Variants in MEMO1 observed in about 807,000 individuals in gnomAD.
MEMO1 encodes the protein protein MEMO1.
MEMO1 carries 6 observed loss-of-function variants against 45.2 expected under a neutral mutation model. That is an observed-to-expected ratio of 0.13 (90% CI 0.07 to 0.26). The LOEUF (loss-of-function observed/expected upper bound fraction) is 0.26. Ranked by LOEUF, MEMO1 falls within the 10% of genes least tolerant of loss-of-function variation. MEMO1 has a pLI of 1.00. For missense variants in MEMO1, 184 were observed against 370.5 expected (o/e 0.50, Z 4.13); for synonymous variants, 78 against 124.3 (o/e 0.63, Z 2.48).
At chr2:31,966,741 AAAATG>A (rs1668666356) in intron 2 of MEMO1, among the ~76,000 whole-genome samples, 1 of 151,702 alleles carries the variant, frequency 6.6e-6, no homozygotes, top group Non-Finnish European at 1.5e-5. Flanking sequence ...TCAAAAAAAA[AAAATG>A]AAAAAAATAA....
chr2:32,001,032 A>G (rs999328553), intron 2 of MEMO1, among the ~76,000 whole-genome samples: 2 of 104,558 alleles, frequency 1.9e-5, no homozygotes, highest in Non-Finnish European at 3.8e-5. Flanking sequence ...ATAAATTTTG[A>G]TTTTTTTTTT....
chr2:32,010,706 C>T (rs1240159748), intron 1 of MEMO1: 1 of 149,664 alleles, frequency 6.7e-6, no homozygotes, highest in East Asian at 2.0e-4. Flanking sequence ...CTCCCCGCAC[C>T]CACCCCCACC....
At chr2:32,008,380 T>TA (rs1179642486) in intron 2 of MEMO1, among the ~76,000 whole-genome samples, 22 of 152,242 alleles carry the variant, frequency 1.4e-4, no homozygotes, top group African/African-American at 5.1e-4. Context: ...AGTCGGGAGT[T>TA]AGAGACCAGC....
At chr2:31,970,495 T>TATTCTAAAC (rs1669253311) in intron 2 of MEMO1, among the ~76,000 whole-genome samples, 1 of 152,184 alleles carries the variant, frequency 6.6e-6, no homozygotes, top group Admixed American at 6.5e-5. Context: ...ATTAAACACC[T>TATTCTAAAC]ATTCTATGTT....
chr2:31,960,278 C>A (rs1432609269), intron 2 of MEMO1, among the ~76,000 whole-genome samples: 1 of 151,786 alleles, frequency 6.6e-6, no homozygotes, highest in Non-Finnish European at 1.5e-5. Context: ...GCTAGCACTA[C>A]AGTACTCAAG....
intron 2 of MEMO1, among the ~76,000 whole-genome samples, chr2:31,994,133 G>T (rs1658714514): frequency 6.8e-6 from 1 of 147,472 alleles, no homozygotes; most frequent in Admixed American, 6.8e-5. Context: ...GCTAATTTTT[G>T]TATTTTTAGT....
intron 2 of MEMO1, among the ~76,000 whole-genome samples, chr2:31,970,557 T>A (rs1669263616): frequency 6.6e-6 from 1 of 152,200 alleles, no homozygotes; most frequent in South Asian, 2.1e-4. Context: ...TTACTATCTG[T>A]TATCATCTTT....
intron 2 of MEMO1, among the ~76,000 whole-genome samples, chr2:32,002,516 C>T (rs868345399): frequency 2.6e-5 from 4 of 151,682 alleles, no homozygotes; most frequent in Non-Finnish European, 4.4e-5. Context: ...TTCAGTGTTT[C>T]GGGCAGCATA....
At chr2:31,950,476 T>C (rs1046712034) in intron 2 of MEMO1, among the ~76,000 whole-genome samples, 17 of 151,682 alleles carry the variant, frequency 1.1e-4, no homozygotes, top group Non-Finnish European at 2.2e-4. Flanking sequence ...CCCAGCACTT[T>C]AGGATGCCCA....
intron 2 of MEMO1, among the ~76,000 whole-genome samples, chr2:31,975,125 T>A (rs1463949633): frequency 6.6e-6 from 1 of 152,116 alleles, no homozygotes; most frequent in Non-Finnish European, 1.5e-5. Flanking sequence ...TGAGCCAAGA[T>A]CGTGCCACTG....
chr2:31,937,129 C>A (rs1665008775), intron 3 of MEMO1, among the ~76,000 whole-genome samples: 1 of 152,148 alleles, frequency 6.6e-6, no homozygotes, highest in African/African-American at 2.4e-5. Context: ...TGTACCTAGT[C>A]TTTTATTCTT....
chr2:31,928,712 AT>A (rs1683496830), intron 4 of MEMO1, among the ~76,000 whole-genome samples: 1 of 152,196 alleles, frequency 6.6e-6, no homozygotes, highest in Non-Finnish European at 1.5e-5. Context: ...TACCATAAAA[AT>A]ATATCCATTT....
At chr2:31,950,276 G>A (rs1317855245) in intron 2 of MEMO1, among the ~76,000 whole-genome samples, 1 of 151,744 alleles carries the variant, frequency 6.6e-6, no homozygotes, top group Non-Finnish European at 1.5e-5. Flanking sequence ...AGCTACTCAG[G>A]AGGCTGAGGC....
chr2:31,944,809 A>G (rs1032225368), intron 2 of MEMO1, among the ~76,000 whole-genome samples: 1 of 152,002 alleles, frequency 6.6e-6, no homozygotes, highest in East Asian at 1.9e-4. Context: ...ATTTCCTTCC[A>G]CTGCTTGCCA....
intron 4 of MEMO1, among the ~76,000 whole-genome samples, chr2:31,921,801 C>A (rs1426687378): frequency 6.6e-6 from 1 of 152,042 alleles, no homozygotes; most frequent in East Asian, 1.9e-4. Context: ...AATAAGCTTT[C>A]TCTATTCCCA....
At chr2:31,979,022 G>C (rs1443566829) in intron 2 of MEMO1, among the ~76,000 whole-genome samples, 1 of 152,110 alleles carries the variant, frequency 6.6e-6, no homozygotes, top group East Asian at 1.9e-4. Flanking sequence ...CTCAAGACTG[G>C]GTAATTTATA....
At chr2:31,941,356 G>A (rs1186201598) in intron 3 of MEMO1, among the ~76,000 whole-genome samples, 3 of 152,092 alleles carry the variant, frequency 2.0e-5, no homozygotes, top group African/African-American at 4.8e-5. Flanking sequence ...AGACTAAAAT[G>A]TTACCTTACC....
rs538358383 is a variant in MEMO1, at chr2:31,912,145, G to A, written c.437+5781C>T. Among the ~76,000 whole-genome samples the A allele has an allele frequency of 6.2e-4, 94 of 152,112 alleles. 1 individual carries two copies. Among genetic ancestry groups the A allele is most frequent in the South Asian group, 3.9e-3 (19 of 4,814 alleles). On this transcript the variant is annotated intron_variant, in intron 6 of 9. Transcript: ENST00000404530. Reference sequence around the variant, plus strand: ...AGGTCAGGAGTTCAAGACCAGCCTGGTCAACAGGGTGAAACCCTGTCTCTA... The same window carrying A: ...AGGTCAGGAGTTCAAGACCAGCCTGATCAACAGGGTGAAACCCTGTCTCTA...
intron 4 of MEMO1, among the ~76,000 whole-genome samples, chr2:31,923,007 G>GC (rs981947162): frequency 1.3e-5 from 2 of 151,990 alleles, no homozygotes; most frequent in South Asian, 2.1e-4. Context: ...GGACTGCGGG[G>GC]CCCAGAGTTA....
Sources: allele counts gnomAD v4.1 joint callset (sites outside exome capture counted in the v4.1 genomes callset), GRCh38; gene constraint gnomAD v4.1.1; transcripts MANE v1.5; gene names NCBI Gene and HGNC (gene_info 2026-07-23, HGNC 2026-07-21).